The following UQCRC1 variants were observed in gnomAD, a reference collection of about 807,000 sequenced individuals.
UQCRC1 encodes the protein ubiquinol-cytochrome c reductase core protein 1, also known as cytochrome b-c1 complex subunit 1, mitochondrial.
In UQCRC1, 34 loss-of-function variants were observed where a neutral mutation model predicts 58.0. That is an observed-to-expected ratio of 0.59 (90% confidence interval 0.45 to 0.78). The LOEUF (loss-of-function observed/expected upper bound fraction) is 0.78, where lower values mean the gene tolerates loss of function less well. UQCRC1 is among the 30% of genes least tolerant of loss of function. UQCRC1 has a pLI of 0.00. For synonymous variants in UQCRC1, 276 were observed against 248.8 expected (o/e 1.11, Z -1.03); for missense variants, 610 against 646.0 (o/e 0.94, Z 0.60).
At chr3:48,604,472 C>T (rs761096116) in intron 4 of UQCRC1, 41 bp from the exon 5 acceptor site, 4 of 1,606,616 alleles carry the variant, frequency 2.5e-6, no homozygotes, top group South Asian at 2.2e-5. Flanking sequence ...AGGTGGACCA[C>T]TGCAGACCAA....
intron 10 of UQCRC1, 147 bp from the exon 11 acceptor site, chr3:48,600,298 T>C: frequency 9.1e-7 from 1 of 1,092,912 alleles, no homozygotes; most frequent in Non-Finnish European, 1.3e-6. Flanking sequence ...GGTCACCTAT[T>C]ATGGCAGTGA....
intron 4 of UQCRC1, 54 bp downstream of exon 4, chr3:48,604,597 T>G (rs2046395341): frequency 6.2e-7 from 1 of 1,610,928 alleles, no homozygotes; most frequent in Non-Finnish European, 8.5e-7. Context: ...GGCTCCTAGG[T>G]AGCTGTCCTC....
At chr3:48,607,705 T>A (rs1225354950) in intron 2 of UQCRC1, among the ~76,000 whole-genome samples, 3 of 152,140 alleles carry the variant, frequency 2.0e-5, no homozygotes, top group African/African-American at 7.2e-5. Context: ...ATTACTGGTG[T>A]AAGCCACTGT....
At chr3:48,600,200 C>T (rs755779479) in intron 10 of UQCRC1, 49 bp from the exon 11 acceptor site, 1 of 1,591,082 alleles carries the variant, frequency 6.3e-7, no homozygotes, top group Admixed American at 1.7e-5. Context: ...CAATCCTGGA[C>T]CCACAGGTAC....
Position 48,600,440 on chromosome 3 carries a change from C to T in UQCRC1, c.1213+42G>A, listed in dbSNP as rs1157170785. ...GTGGCCACCTTGGTGCTGTCGCTGG[C>T]AAGATGTACTCTACCCCTCCCCGCT... is the stretch of plus-strand genomic sequence containing the variant. On this transcript the variant is annotated intron_variant, in intron 10 of 12. Transcript: ENST00000203407. The T allele has an allele frequency of 2.5e-6, 4 of 1,610,024 alleles. No individual in the cohort carries two copies. The South Asian group carries it at 3.3e-5, about 13-fold the overall frequency.
At chr3:48,603,455 G>T in intron 6 of UQCRC1, 109 bp downstream of exon 6, 1 of 1,068,332 alleles carries the variant, frequency 9.4e-7, no homozygotes, top group African/African-American at 1.6e-5. Context: ...TAGGGTGGGA[G>T]CAGAGTCCCC....
In UQCRC1 at chr3:48,601,165, G is replaced by C. The variant is rs745400286; in HGVS notation, c.823-47C>G. 1.3e-5 allele frequency: 20 copies of C among 1,572,516 alleles called. No homozygotes were observed. In the South Asian group the frequency reaches 2.3e-4, roughly 18 times the overall value. Reference sequence around the variant, plus strand: ...CTGAGGAACAGCCAGACTGCCAGGGGAACAGAAAAGGTGGCAGGTGTGGGT... The same window carrying C: ...CTGAGGAACAGCCAGACTGCCAGGGCAACAGAAAAGGTGGCAGGTGTGGGT... On this transcript the variant is annotated intron_variant, in intron 7 of 12. Coordinates refer to ENST00000203407, the MANE Select transcript of UQCRC1 (RefSeq NM_003365.3).
At position 48,607,727 on chromosome 3, in the gene UQCRC1, A is replaced by C. The variant is rs147229478; in HGVS notation, c.210+1435T>G. ...GTGTAAGCCACTGTGCCCCGCCCACAAGTGTGATGTCATTACAGGCACAGA... is the reference window on the plus strand; with the variant it reads ...GTGTAAGCCACTGTGCCCCGCCCACCAGTGTGATGTCATTACAGGCACAGA... On this transcript the variant is annotated intron_variant, in intron 2 of 12. Transcript: ENST00000203407. Among the ~76,000 whole-genome samples, 730 of 152,256 alleles carry C rather than the reference A, an allele frequency of 4.8e-3. 4 individuals are homozygous for C. The highest frequency in any genetic ancestry group is 0.016 in the African/African-American group (676 of 41,532).
At chr3:48,609,504 C>G (rs1270759346) in intron 1 of UQCRC1, 48 bp downstream of exon 1, 4 of 1,539,532 alleles carry the variant, frequency 2.6e-6, no homozygotes, top group East Asian at 4.9e-5. Context: ...CACCTGTCCG[C>G]TTCCCGAAGC....
At position 48,600,499 on chromosome 3, in the gene UQCRC1, A is replaced by C; in HGVS notation, c.1196T>G (p.Leu399Arg). The change falls in exon 10 of 13, where the codon CTG becomes CGG. Residue 399 changes from leucine to arginine, a missense_variant. By Grantham distance (102) the Leu-to-Arg change is moderately radical. Coordinates refer to ENST00000203407, the MANE Select transcript of UQCRC1 (RefSeq NM_003365.3). Reference protein sequence around the residue: ...ARGKNILRNALVSHLDGTTPV... With the variant: ...ARGKNILRNARVSHLDGTTPV... ...GGACTCACCATCTAGATGAGATACC[A>C]GGGCATTTCTGAGGATGTTTTTGCC... 1.2e-6 allele frequency: 2 copies of C among 1,614,086 alleles called. No individual in the cohort carries two copies. The highest frequency in any genetic ancestry group is 1.7e-6 in the Non-Finnish European group (2 of 1,180,020).
chr3:48,604,140 C>T, intron 5 of UQCRC1, 93 bp downstream of exon 5: 2 of 1,412,274 alleles, frequency 1.4e-6, no homozygotes, highest in Non-Finnish European at 2.0e-6. Context: ...GAAAATAACC[C>T]CGACAGCTAG....
At chr3:48,601,528 T>G in intron 6 of UQCRC1, 61 bp from the exon 7 acceptor site, 3 of 1,519,264 alleles carry the variant, frequency 2.0e-6, no homozygotes, top group Non-Finnish European at 2.7e-6. Context: ...GGTGGGGCGA[T>G]TCACAGACAG....
intron 2 of UQCRC1, among the ~76,000 whole-genome samples, chr3:48,607,332 C>T (rs1339175828): frequency 5.9e-5 from 9 of 152,096 alleles, no homozygotes; most frequent in South Asian, 4.2e-4. Flanking sequence ...TGAGCCACCG[C>T]GTCTAGCCTA....
chr3:48,599,059 T>G lies in UQCRC1; in HGVS notation c.*69A>C. The G allele has an allele frequency of 6.4e-7, 1 of 1,573,982 alleles. No homozygotes were observed. The highest frequency in any genetic ancestry group is 8.7e-7 in the Non-Finnish European group (1 of 1,148,714). ...GTGGCACAGGTTAGAGGAGCCGAAG[T>G]GCTGTGTTTGTGGTGGGGGGGGGAC... On this transcript the variant is annotated 3_prime_UTR_variant, in exon 13 of 13. Coordinates refer to ENST00000203407, the MANE Select transcript of UQCRC1 (RefSeq NM_003365.3).
chr3:48,599,145 A>G lies in UQCRC1; in HGVS notation c.1426T>C (p.Phe476Leu). ...CTTCCCGCCTAGAAGCGCAGCCAGA[A>G]CATGCCGCTACGGATCCGGTTGTAG... The part of the protein sequence containing the change: ...PDYNRIRSGM[F>L]WLRF Residue 476 changes from phenylalanine to leucine, a missense_variant, in exon 13 of 13, where the codon TTC becomes CTC. Transcript: ENST00000203407. 6.2e-7 allele frequency: 1 copy of G among 1,612,040 alleles called. No homozygotes were observed. The highest frequency in any genetic ancestry group is 8.5e-7 in the Non-Finnish European group (1 of 1,178,818).
At position 48,603,084 on chromosome 3, in the gene UQCRC1, G is replaced by C. The variant is rs144398152; in HGVS notation, c.706+480C>G. On this transcript the variant is annotated intron_variant, in intron 6 of 12. Transcript: ENST00000203407. ...CCTAAATAACACTCACCACCTTTCA[G>C]GCTTCTGTTCAAACTACAGGTGCTT... 5.9e-4 allele frequency among the ~76,000 whole-genome samples: 90 copies of C among 152,150 alleles called. 1 individual carries two copies. The highest frequency in any genetic ancestry group is 2.1e-3 in the African/African-American group (88 of 41,504).
At chr3:48,599,247 C>T in intron 12 of UQCRC1, 55 bp from the exon 13 acceptor site, 3 of 1,529,800 alleles carry the variant, frequency 2.0e-6, no homozygotes, top group African/African-American at 1.4e-5. Flanking sequence ...ACAGGGACAC[C>T]TGGCCCTGTG....
At position 48,600,522 on chromosome 3, in the gene UQCRC1, G is replaced by A; in HGVS notation, c.1173C>T (p.Gly391=). Residue 391 remains glycine (G), a synonymous_variant, in exon 10 of 13, where the codon GGC becomes GGT. Coordinates refer to ENST00000203407, the MANE Select transcript of UQCRC1 (RefSeq NM_003365.3). ...CCAGGGCATTTCTGAGGATGTTTTT[G>A]CCCCGGGCCACCTCACTCTCCGTGG... The part of the protein sequence containing the change: ...TSATESEVAR[G]KNILRNALVS... 6.2e-7 allele frequency: 1 copy of A among 1,614,080 alleles called. No homozygotes were observed. Among genetic ancestry groups the A allele is most frequent in the Non-Finnish European group, 8.5e-7 (1 of 1,180,010 alleles).
At chr3:48,606,169 GTTAA>G (rs1470292182) in intron 2 of UQCRC1, among the ~76,000 whole-genome samples, 1 of 152,138 alleles carries the variant, frequency 6.6e-6, no homozygotes, top group African/African-American at 2.4e-5. Flanking sequence ...TCAATTTTCA[GTTAA>G]TTATTTGTTT....
Sources: gnomAD v4.1 joint callset for allele counts (sites outside exome capture counted in the v4.1 genomes callset) on GRCh38, gnomAD v4.1.1 for gene constraint, MANE v1.5 for transcripts, NCBI Gene and HGNC (gene_info 2026-07-23, HGNC 2026-07-21) for gene names.